LILRB2: variants seen among roughly 807,000 people sequenced by gnomAD.
The protein encoded by LILRB2 is leukocyte immunoglobulin like receptor B2.
Under a neutral mutation model 72.7 loss-of-function variants are expected in LILRB2, and 47 were observed. The ratio of observed to expected loss-of-function variants is 0.65; its 90% CI spans 0.51 to 0.82. The LOEUF is 0.82. Ranked by LOEUF, LILRB2 falls within the 40% of genes least tolerant of loss-of-function variation. LILRB2 has a pLI of 0.00. For synonymous variants in LILRB2, 279 were observed against 313.7 expected (o/e 0.89, Z 1.17); for missense variants, 767 against 764.8 (o/e 1.00, Z -0.03).
chr19:54,276,338 G>A, intron 11 of LILRB2, 37 bp from the exon 12 acceptor site: 2 of 1,613,276 alleles, frequency 1.2e-6, no homozygotes, highest in South Asian at 2.2e-5. Flanking sequence ...GCAGTGTATG[G>A]GCCACGAGCA....
intron 4 of LILRB2, 36 bp from the exon 5 acceptor site, chr19:54,279,683 C>G: frequency 6.3e-7 from 1 of 1,596,722 alleles, no homozygotes; most frequent in Non-Finnish European, 8.6e-7. Context: ...AAATGGGGCT[C>G]CCACCTCCCA....
intron 3 of LILRB2, 39 bp downstream of exon 3, chr19:54,280,225 T>C: frequency 1.9e-6 from 3 of 1,613,446 alleles, no homozygotes; most frequent in Non-Finnish European, 2.5e-6. Flanking sequence ...TTGTCCCCAG[T>C]GAGGAGGAGG....
Position 54,281,055 on chromosome 19 carries a change from C to G in LILRB2, c.-143G>C, listed in dbSNP as rs931559527. The G allele has an allele frequency of 5.0e-5, 24 of 477,936 alleles. 1 individual carries two copies. The highest frequency in any genetic ancestry group is 8.5e-5 in the Non-Finnish European group (21 of 248,412). The allele number at this position is 477,936 out of a possible 1,614,324, so 29.6% of individuals were successfully genotyped here. On this transcript the variant is annotated 5_prime_UTR_variant, in exon 1 of 14. Transcript: ENST00000314446. Reference sequence around the variant, plus strand: ...AGATCAGCAGAGAAGCATCTCGCCTCTGGCTGTGCTGTCCAGGTTGAGCTG... The same window carrying G: ...AGATCAGCAGAGAAGCATCTCGCCTGTGGCTGTGCTGTCCAGGTTGAGCTG...
chr19:54,280,425 T>C (rs748086907), intron 2 of LILRB2, 38 bp downstream of exon 2: 2 of 1,613,964 alleles, frequency 1.2e-6, no homozygotes, highest in Non-Finnish European at 1.7e-6. Context: ...GTGAGGTCCC[T>C]CCTAGGTTAG....
intron 9 of LILRB2, 102 bp downstream of exon 9, chr19:54,277,448 C>T: frequency 6.7e-7 from 1 of 1,502,522 alleles, no homozygotes; most frequent in Non-Finnish European, 9.0e-7. Flanking sequence ...AGGGGAGGAG[C>T]CTGTCTACAT....
Position 54,274,810 on chromosome 19 carries a change from G to A in LILRB2, c.1667C>T (p.Pro556Leu). ...CAGCTGGGCGTAGGTCACATCCTGG[G>A]GGGCTTCAGATGCAGCAGCCTGCAG... ...MDTRAAASEAPQDVTYAQLHS... is the reference protein window; with the variant it reads ...MDTRAAASEALQDVTYAQLHS... The change falls in exon 14 of 14, where the codon CCC becomes CTC. Residue 556 changes from proline (P) to leucine (L), a missense_variant. Around this residue, in one of 3 missense-constraint regions of LILRB2, gnomAD observed 162 missense variants for 176.7 expected, o/e 0.92. Coordinates refer to ENST00000314446, the MANE Select transcript of LILRB2 (RefSeq NM_001080978.4). The A allele has an allele frequency of 6.2e-7, 1 of 1,613,284 alleles. No homozygotes were observed. Among genetic ancestry groups the A allele is most frequent in the Non-Finnish European group, 8.5e-7 (1 of 1,179,866 alleles).
chr19:54,276,217 G>A (rs769433258), intron 12 of LILRB2, 47 bp downstream of exon 12: 15 of 1,612,302 alleles, frequency 9.3e-6, no homozygotes, highest in African/African-American at 2.7e-5. Flanking sequence ...CGGAAACTTC[G>A]GGGCCCCTAT....
At chr19:54,275,226 T>C (rs1260864445) in intron 13 of LILRB2, 2 of 993,578 alleles carry the variant, frequency 2.0e-6, no homozygotes, top group Non-Finnish European at 2.9e-6. Context: ...CTTCCTGTGG[T>C]TCTGGCCTCT....
In LILRB2 at chr19:54,278,831, G is replaced by T. The variant is rs374630386; in HGVS notation, c.936C>A (p.Pro312=). 3 of 1,612,634 alleles carry T rather than the reference G, an allele frequency of 1.9e-6. No individual in the cohort carries two copies. The highest frequency in any genetic ancestry group is 2.5e-6 in the Non-Finnish European group (3 of 1,179,728). Residue 312 remains proline (P), a synonymous_variant, in exon 6 of 14, where the codon CCC becomes CCA. Coordinates refer to ENST00000314446, the MANE Select transcript of LILRB2 (RefSeq NM_001080978.4). The stretch of plus-strand genomic sequence containing the variant: ...CCTCACCTGTGATCAGGATGTCCAG[G>T]GGGTCGCTGGGGGCCGAGCACTCAG... ...LSSECSAPSD[P]LDILITGQIR...
Position 54,279,513 on chromosome 19 carries a change from G to A in LILRB2, c.490C>T (p.Pro164Ser), listed in dbSNP as rs1336958146. ...TGGGGCTGGGAGTTCAGGCATTGTG[G>A]GTGTTCATCTTCTCCTTCCTTACAC... Reference protein sequence around the residue: ...ILCKEGEDEHPQCLNSQPHAR... With the variant: ...ILCKEGEDEHSQCLNSQPHAR... Residue 164 changes from proline (P) to serine (S), a missense_variant, in exon 5 of 14, where the codon CCA becomes TCA. Coordinates refer to ENST00000314446, the MANE Select transcript of LILRB2 (RefSeq NM_001080978.4). The A allele has an allele frequency of 1.9e-6, 3 of 1,613,948 alleles. No homozygotes were observed. The highest frequency in any genetic ancestry group is 1.7e-5 in the Admixed American group (1 of 60,006).
rs184392419 is a variant in LILRB2, at chr19:54,275,662, G to T, written c.1647+289C>A. 8.7e-6 allele frequency: 5 copies of T among 574,902 alleles called. 1 individual carries two copies. In the East Asian group the frequency reaches 2.0e-4, roughly 23 times the overall value. The allele number at this position is 574,902 out of a possible 1,614,324, so 35.6% of individuals were successfully genotyped here. The stretch of plus-strand genomic sequence containing the variant: ...TGAATGAATGAAGGGGAGCCCAGGG[G>T]ACCGGGGTGGTTCATTTATTCCTCA... On this transcript the variant is annotated intron_variant, in intron 13 of 13. Coordinates refer to ENST00000314446, the MANE Select transcript of LILRB2 (RefSeq NM_001080978.4).
chr19:54,277,090 G>A, intron 9 of LILRB2, 161 bp from the exon 10 acceptor site: 8 of 1,502,112 alleles, frequency 5.3e-6, no homozygotes, highest in Admixed American at 2.0e-5. Context: ...AAAAACTGAC[G>A]CTCAGAGAGG....
In LILRB2 at chr19:54,279,620, G is replaced by A. The variant is rs1393363565; in HGVS notation, c.383C>T (p.Ala128Val). The A allele has an allele frequency of 6.2e-7, 1 of 1,613,904 alleles. No homozygotes were observed. Among genetic ancestry groups the A allele is most frequent in the Admixed American group, 1.7e-5 (1 of 60,018 alleles). Residue 128 changes from alanine (A) to valine (V), a missense_variant, in exon 5 of 14, where the codon GCC (alanine) becomes GTC (valine). Transcript: ENST00000314446. ...TGAYPKPTLS[A>V]QPSPVVTSGG... is the part of the protein sequence containing the mutation. ...TGAGGTCACCACAGGGCTGGGCTGG[G>A]CTGAGAGGGTGGGTTTTGGGTAGGC...
intron 3 of LILRB2, 80 bp from the exon 4 acceptor site, chr19:54,280,155 G>T: frequency 3.7e-6 from 6 of 1,608,270 alleles, no homozygotes; most frequent in Non-Finnish European, 5.1e-6. Context: ...CCCTCCAGAT[G>T]CCCCCATCAG....
rs1353846895 is a variant in LILRB2, at chr19:54,275,981, C to G, written c.1617G>C (p.Gln539His). Residue 539 changes from glutamine (Q) to histidine (H), a missense_variant, in exon 13 of 14, where the codon CAG (glutamine) becomes CAC (histidine). Gln to His is a conservative substitution (Grantham distance 24). Transcript: ENST00000314446. ...TGTCCATCTCCACCCCATCTTCAGG[C>G]TGTGTGTCCTTCACGGCAGCATCTG... ...ENLYAAVKDTQPEDGVEMDTR... is the reference protein window; with the variant it reads ...ENLYAAVKDTHPEDGVEMDTR... 2 of 1,614,030 alleles carry G rather than the reference C, an allele frequency of 1.2e-6. No individual in the cohort carries two copies. Among genetic ancestry groups the G allele is most frequent in the African/African-American group, 1.3e-5 (1 of 74,944 alleles).
In LILRB2 at chr19:54,277,880, G is replaced by A. The variant is rs1191306148; in HGVS notation, c.1309+9C>T. Reference sequence around the variant, plus strand: ...CGCTCCCTTCGAGCCAGAGGCCTCAGGGACTCACCAGGTGTGGAGATGGGA... The same window carrying A: ...CGCTCCCTTCGAGCCAGAGGCCTCAAGGACTCACCAGGTGTGGAGATGGGA... On this transcript the variant is annotated intron_variant, in intron 8 of 13. Coordinates refer to ENST00000314446, the MANE Select transcript of LILRB2 (RefSeq NM_001080978.4). 4 of 1,547,238 alleles carry A rather than the reference G, an allele frequency of 2.6e-6. No homozygotes were observed. Among genetic ancestry groups the A allele is most frequent in the African/African-American group, 1.4e-5 (1 of 72,924 alleles).
chr19:54,277,482 C>T lies in LILRB2; in HGVS notation c.1357+68G>A. On this transcript the variant is annotated intron_variant, in intron 9 of 13. Coordinates refer to ENST00000314446, the MANE Select transcript of LILRB2 (RefSeq NM_001080978.4). ...ATCACCACCTCCAGAGGAGCCTGAACCTAGGACAGAACCCACCCCTGCCTC... is the reference window on the plus strand; with the variant it reads ...ATCACCACCTCCAGAGGAGCCTGAATCTAGGACAGAACCCACCCCTGCCTC... The T allele has an allele frequency of 2.6e-6, 4 of 1,545,870 alleles. No homozygotes were observed. In the South Asian group the frequency reaches 4.8e-5, roughly 18 times the overall value.
chr19:54,279,791 C>G lies in LILRB2; in HGVS notation c.355G>C (p.Gly119Arg). 1 of 1,614,016 alleles carries G rather than the reference C, an allele frequency of 6.2e-7. No homozygotes were observed. The highest frequency in any genetic ancestry group is 8.5e-7 in the Non-Finnish European group (1 of 1,179,940). The change falls in exon 4 of 14, where the codon GGA (glycine) becomes CGA (arginine). Residue 119 changes from glycine to arginine, a missense_variant and splice_region_variant. Coordinates refer to ENST00000314446, the MANE Select transcript of LILRB2 (RefSeq NM_001080978.4). ...CTGGGATCCCTGAGTGTCCTCTCAC[C>G]TGTCATCACCAGCACCAGGGGGTCA... ...LSDPLVLVMTGAYPKPTLSAQ... is the reference protein window; with the variant it reads ...LSDPLVLVMTRAYPKPTLSAQ...
rs1306456948 is a variant in LILRB2 at position 54,279,420 on chromosome 19, T to C, written c.583A>G (p.Arg195Gly). The C allele has an allele frequency of 4.3e-6, 7 of 1,614,148 alleles. No homozygotes were observed. The highest frequency in any genetic ancestry group is 5.1e-6 in the Non-Finnish European group (6 of 1,180,010). Residue 195 changes from arginine to glycine, a missense_variant, in exon 5 of 14, where the codon AGG (arginine) becomes GGG (glycine). This residue lies in a region of LILRB2 where 599 missense variants were observed against 568.2 expected (regional missense o/e 1.05). Coordinates refer to ENST00000314446, the MANE Select transcript of LILRB2 (RefSeq NM_001080978.4). Reference sequence around the variant, plus strand: ...GAGTTCAAGTCATAACCATAGCACCTGTGCGACCACCTGCGATTCGGGCTC... The same window carrying C: ...GAGTTCAAGTCATAACCATAGCACCCGTGCGACCACCTGCGATTCGGGCTC... ...PVSPNRRWSH[R>G]CYGYDLNSPY... is the part of the protein sequence containing the mutation.
Sources: gnomAD v4.1 joint callset for allele counts on GRCh38, gnomAD v4.1.1 for gene constraint, gnomAD v4.1.1 regional missense constraint, MANE v1.5 for transcripts, NCBI Gene and HGNC (gene_info 2026-07-23, HGNC 2026-07-21) for gene names.